DOCK10: variants seen among roughly 807,000 people sequenced by gnomAD.
DOCK10 encodes dedicator of cytokinesis protein 10.
DOCK10 carries 145 observed loss-of-function variants against 280.1 expected under a neutral mutation model. That is an observed-to-expected ratio of 0.52 (90% confidence interval 0.45 to 0.59). DOCK10 has a LOEUF of 0.59. Among genes scored for constraint, DOCK10 ranks in the 20% least tolerant of loss-of-function variants. The pLI is 0.00. For missense variants in DOCK10, 2,368 were observed against 2,651.7 expected (o/e 0.89, Z 2.35); for synonymous variants, 915 against 942.2 (o/e 0.97, Z 0.53).
Position 224,874,344 on chromosome 2 carries a change from G to T in DOCK10, c.1023C>A (p.Leu341=). 6.2e-7 allele frequency: 1 copy of T among 1,609,708 alleles called. No individual in the cohort carries two copies. The highest frequency in any genetic ancestry group is 1.1e-5 in the South Asian group (1 of 90,408). Residue 341 remains leucine (L), a synonymous_variant, in exon 10 of 56, where the codon CTC becomes CTA. Transcript: ENST00000258390. The part of the protein sequence containing the change: ...NNLHADFAKY[L]TETEDTVKTT... ...TTTTTACAGTATCTTCTGTTTCTGT[G>T]AGGTACTACAGAGAAAATTGTGTTA...
chr2:224,949,120 G>A (rs748301303), intron 1 of DOCK10, among the ~76,000 whole-genome samples: 1 of 152,212 alleles, frequency 6.6e-6, no homozygotes, highest in Non-Finnish European at 1.5e-5. Flanking sequence ...AAATCCAGAA[G>A]CATGGCATGG....
intron 1 of DOCK10, among the ~76,000 whole-genome samples, chr2:224,993,058 A>G (rs914459281): frequency 6.6e-6 from 1 of 152,202 alleles, no homozygotes; most frequent in African/African-American, 2.4e-5. Flanking sequence ...GTAAGAGGAA[A>G]GAACTGAAAA....
intron 1 of DOCK10, among the ~76,000 whole-genome samples, chr2:225,023,662 AGCAGGG>A (rs1295309088): frequency 6.6e-6 from 1 of 152,206 alleles, no homozygotes; most frequent in Non-Finnish European, 1.5e-5. Flanking sequence ...CTAAAGTTGA[AGCAGGG>A]CTCCCCTAGA....
chr2:224,790,869 T>C (rs1692139030), intron 47 of DOCK10, among the ~76,000 whole-genome samples: 1 of 152,186 alleles, frequency 6.6e-6, no homozygotes, highest in African/African-American at 2.4e-5. Context: ...TTCAAATACA[T>C]GCCAATGACA....
At chr2:224,999,616 CAA>C (rs147061348) in intron 1 of DOCK10, among the ~76,000 whole-genome samples, 8,485 of 151,608 alleles carry the variant, frequency 0.056, 284 homozygotes, top group Middle Eastern at 0.12. Flanking sequence ...TACAGAGACA[CAA>C]AGAGTCCTAT....
chr2:224,770,527 C>T lies in DOCK10; in HGVS notation c.6305+18G>A, dbSNP rs1197599112. On this transcript the variant is annotated intron_variant, in intron 54 of 55. Coordinates refer to ENST00000258390, the MANE Select transcript of DOCK10 (RefSeq NM_014689.3). The surrounding 1 kb of genome is among the most constrained non-coding windows in gnomAD (Gnocchi z 4.5). ...TCAGGAAGTTCAAGGAAGAACATCC[C>T]AACAGCGAGAAGCTTACCTGAAGAT... 1 of 1,605,140 alleles carries T rather than the reference C, an allele frequency of 6.2e-7. No individual in the cohort carries two copies. The highest frequency in any genetic ancestry group is 2.2e-5 in the East Asian group (1 of 44,830).
At chr2:224,777,428 C>A (rs1005717120) in intron 51 of DOCK10, among the ~76,000 whole-genome samples, 1 of 152,184 alleles carries the variant, frequency 6.6e-6, no homozygotes, top group African/African-American at 2.4e-5. Context: ...TAAAAGTAGG[C>A]AGAGGAATGT....
chr2:224,786,211 G>A lies in DOCK10; in HGVS notation c.5655+811C>T, dbSNP rs1691722067. Among the ~76,000 whole-genome samples, 1 of 152,156 alleles carries A rather than the reference G, an allele frequency of 6.6e-6. No individual in the cohort carries two copies. The highest frequency in any genetic ancestry group is 2.4e-5 in the African/African-American group (1 of 41,438). On this transcript the variant is annotated intron_variant, in intron 50 of 55. Transcript: ENST00000258390. The surrounding 1 kb of genome is among the most constrained non-coding windows in gnomAD (Gnocchi z 4.7). ...TACTGAGCGAGATGATGGGCTGGGG[G>A]CAGAGGAAGTGTGAGGTCTGAGAGC...
intron 24 of DOCK10, among the ~76,000 whole-genome samples, chr2:224,839,244 A>G (rs905685629): frequency 7.7e-5 from 11 of 143,616 alleles, no homozygotes; most frequent in African/African-American, 2.2e-4. Flanking sequence ...ACGCCCGGCT[A>G]ATTTTTTGTA....
intron 1 of DOCK10, among the ~76,000 whole-genome samples, chr2:224,961,569 C>T (rs182356171): frequency 1.2e-3 from 183 of 148,248 alleles, no homozygotes; most frequent in Middle Eastern, 7.0e-3. Flanking sequence ...TGCAGTGGTG[C>T]GATCTCGGCT....
intron 1 of DOCK10, among the ~76,000 whole-genome samples, chr2:224,995,807 C>G (rs1394014265): frequency 1.3e-5 from 2 of 152,142 alleles, no homozygotes; most frequent in Non-Finnish European, 2.9e-5. Context: ...ATTATATCAG[C>G]TTGAAGAATT....
intron 1 of DOCK10, among the ~76,000 whole-genome samples, chr2:224,960,238 GGCCTCTT>G (rs1704287046): frequency 6.6e-6 from 1 of 152,202 alleles, no homozygotes; most frequent in African/African-American, 2.4e-5. Flanking sequence ...TGCTTACTGA[GGCCTCTT>G]GCTTAGCTCT....
intron 2 of DOCK10, among the ~76,000 whole-genome samples, chr2:224,920,748 G>C (rs1349010661): frequency 6.6e-6 from 1 of 151,650 alleles, no homozygotes; most frequent in Non-Finnish European, 1.5e-5. Flanking sequence ...TTTTCCACTA[G>C]AGTCTCCATT....
chr2:224,766,547 C>T (rs115484366), intron 55 of DOCK10, among the ~76,000 whole-genome samples: 1 of 152,320 alleles, frequency 6.6e-6, no homozygotes, highest in African/African-American at 2.4e-5. Flanking sequence ...TGATCAATAT[C>T]ACAAAGCTCT....
intron 31 of DOCK10, among the ~76,000 whole-genome samples, chr2:224,814,005 A>G (rs1693959355): frequency 6.6e-6 from 1 of 152,212 alleles, no homozygotes; most frequent in African/African-American, 2.4e-5. Flanking sequence ...ATATAAAGTC[A>G]GTTACATTGA....
chr2:224,816,539 T>C (rs1694146416), intron 30 of DOCK10, 78 bp downstream of exon 30: 1 of 889,610 alleles, frequency 1.1e-6, no homozygotes, highest in East Asian at 2.7e-5. Context: ...AGGAAAATAA[T>C]AATAAACAAA....
At chr2:224,807,590 G>T in intron 33 of DOCK10, 78 bp downstream of exon 33, 1 of 946,232 alleles carries the variant, frequency 1.1e-6, no homozygotes, top group Non-Finnish European at 1.6e-6. Flanking sequence ...AGAAGAAATG[G>T]TTATCCAGGG....
intron 7 of DOCK10, among the ~76,000 whole-genome samples, chr2:224,882,071 C>T (rs141988586): frequency 1.1e-4 from 17 of 152,306 alleles, no homozygotes; most frequent in Non-Finnish European, 2.2e-4. Flanking sequence ...ACTGTCCACA[C>T]CCATGTAAGC....
intron 28 of DOCK10, among the ~76,000 whole-genome samples, chr2:224,820,387 T>C (rs751349401): frequency 6.6e-6 from 1 of 152,190 alleles, no homozygotes; most frequent in Non-Finnish European, 1.5e-5. Context: ...GAAGGGACCA[T>C]AGTTCCCAAC....
Sources: allele counts gnomAD v4.1 joint callset (sites outside exome capture counted in the v4.1 genomes callset), GRCh38; gene constraint gnomAD v4.1.1; non-coding constraint Gnocchi (gnomAD v3.1); transcripts MANE v1.5; gene names NCBI Gene and HGNC (gene_info 2026-07-23, HGNC 2026-07-21).